CACNA1E: variants seen among roughly 807,000 people sequenced by gnomAD.
CACNA1E encodes the protein voltage-dependent R-type calcium channel subunit alpha-1E.
A neutral mutation model predicts 259.2 loss-of-function variants in CACNA1E; 40 were observed. The ratio of observed to expected loss-of-function variants is 0.15; its 90% CI spans 0.12 to 0.20. CACNA1E has a LOEUF of 0.20. CACNA1E is among the 10% of genes least tolerant of loss of function. The pLI is 1.00. For synonymous variants in CACNA1E, 1,104 were observed against 1,138.5 expected (o/e 0.97, Z 0.61); for missense variants, 1,874 against 3,040.1 (o/e 0.62, Z 9.02).
chr1:181,542,561 A>T (rs1304986285), intron 3 of CACNA1E, among the ~76,000 whole-genome samples: 1 of 151,940 alleles, frequency 6.6e-6, no homozygotes, highest in Non-Finnish European at 1.5e-5. Flanking sequence ...ACGAGATCTG[A>T]TGGTTTTATA....
rs747541258 is a variant in CACNA1E, at chr1:181,718,661, CACACA to C, written c.1638+495_1638+499del. Among the ~76,000 whole-genome samples, 274 of 145,620 alleles carry C rather than the reference CACACA, an allele frequency of 1.9e-3. 1 individual carries two copies. The highest frequency in any genetic ancestry group is 7.0e-3 in the Middle Eastern group (2 of 286). ...ACACACACACACACACACACACACA[CACACA>C]CCCTTATATTAGCAAGTCCTCACAG... On this transcript the variant is annotated intron_variant, in intron 12 of 47. Coordinates refer to ENST00000367573, the MANE Select transcript of CACNA1E (RefSeq NM_001205293.3).
At chr1:181,564,161 C>T (rs904309958) in intron 3 of CACNA1E, among the ~76,000 whole-genome samples, 2 of 152,030 alleles carry the variant, frequency 1.3e-5, no homozygotes, top group Non-Finnish European at 2.9e-5. Flanking sequence ...TTGCTGTATC[C>T]GTTGACTCTT....
rs376695821 is a variant in CACNA1E, at chr1:181,796,809, G to A, written c.6350G>A (p.Arg2117His). ...TQADWESPER[R>H]QSRSPSEGRS... is the part of the protein sequence containing the mutation. ...GCTGACTGGGAGTCCCCAGAGCGCC[G>A]TCAATCCAGGTCACCCAGTGAGGGC... The change falls in exon 47 of 48, where the codon CGT becomes CAT. Residue 2117 changes from arginine (R) to histidine (H), a missense_variant. Coordinates refer to ENST00000367573, the MANE Select transcript of CACNA1E (RefSeq NM_001205293.3). The A allele has an allele frequency of 1.3e-4, 213 of 1,609,172 alleles. 2 individuals are homozygous for A. Among genetic ancestry groups the A allele is most frequent in the South Asian group, 1.1e-3 (100 of 89,856 alleles).
intron 2 of CACNA1E, among the ~76,000 whole-genome samples, chr1:181,426,569 C>T (rs1349226840): frequency 6.6e-6 from 1 of 150,464 alleles, no homozygotes; most frequent in Non-Finnish European, 1.5e-5. Flanking sequence ...ATCTCAACCA[C>T]TTCACAACTT....
At chr1:181,754,843 G>A (rs1370950692) in intron 27 of CACNA1E, among the ~76,000 whole-genome samples, 1 of 152,178 alleles carries the variant, frequency 6.6e-6, no homozygotes, top group Admixed American at 6.5e-5. Flanking sequence ...ACCAAATAAA[G>A]CACAAGCTAT....
At chr1:181,644,375 G>A (rs1354616811) in intron 6 of CACNA1E, among the ~76,000 whole-genome samples, 1 of 152,208 alleles carries the variant, frequency 6.6e-6, no homozygotes, top group Non-Finnish European at 1.5e-5. Context: ...GGAATGATGA[G>A]TTGGATGACT....
intron 7 of CACNA1E, among the ~76,000 whole-genome samples, chr1:181,694,969 G>A (rs962089050): frequency 1.3e-5 from 2 of 152,140 alleles, no homozygotes; most frequent in African/African-American, 4.8e-5. Flanking sequence ...TATGTATTTT[G>A]AAAATCTAAC....
rs1490222366 is a variant in CACNA1E at position 181,798,649 on chromosome 1, G to A, written c.6757G>A (p.Glu2253Lys). Reference protein sequence around the residue: ...DCGEEETLTFEAAVATSLGRS... With the variant: ...DCGEEETLTFKAAVATSLGRS... ...TGGTGAGGAGGAGACGCTCACTTTC[G>A]AAGCAGCCGTGGCTACTAGCCTGGG... The change falls in exon 48 of 48, where the codon GAA becomes AAA. Residue 2253 changes from glutamate to lysine, a missense_variant. Glu to Lys is a moderately conservative substitution (Grantham distance 56, BLOSUM62 1). Around this residue, in one of 14 missense-constraint regions of CACNA1E, gnomAD observed 542 missense variants for 587.2 expected, o/e 0.92. Coordinates refer to ENST00000367573, the MANE Select transcript of CACNA1E (RefSeq NM_001205293.3). This position sits in a 1 kb window ranked among gnomAD's most constrained non-coding sequence, Gnocchi z 4.2. 1 of 1,610,262 alleles carries A rather than the reference G, an allele frequency of 6.2e-7. No homozygotes were observed. The highest frequency in any genetic ancestry group is 8.5e-7 in the Non-Finnish European group (1 of 1,177,514).
chr1:181,319,231 T>G (rs919139726), intron 1 of CACNA1E, among the ~76,000 whole-genome samples: 6 of 152,202 alleles, frequency 3.9e-5, no homozygotes, highest in African/African-American at 1.4e-4. Flanking sequence ...GAGGAAAGGC[T>G]GGGAGTCAGG....
At chr1:181,773,579 G>A (rs1005911896) in intron 37 of CACNA1E, among the ~76,000 whole-genome samples, 1 of 152,200 alleles carries the variant, frequency 6.6e-6, no homozygotes, top group Non-Finnish European at 1.5e-5. Flanking sequence ...ATTGATGGGA[G>A]TTTTCCATTT....
At chr1:181,765,136 G>A (rs1220190078) in intron 34 of CACNA1E, among the ~76,000 whole-genome samples, 2 of 152,126 alleles carry the variant, frequency 1.3e-5, no homozygotes, top group Admixed American at 6.5e-5. Flanking sequence ...AAAGAGCATC[G>A]CCATTGCCTA....
intron 1 of CACNA1E, among the ~76,000 whole-genome samples, chr1:181,372,826 A>ATTT (rs200346297): frequency 2.2e-4 from 17 of 77,604 alleles, no homozygotes; most frequent in African/African-American, 7.2e-4. Flanking sequence ...ATATATATAT[A>ATTT]TATTTTTTTT....
intron 3 of CACNA1E, among the ~76,000 whole-genome samples, chr1:181,517,144 C>A (rs1666646704): frequency 6.6e-6 from 1 of 152,162 alleles, no homozygotes; most frequent in African/African-American, 2.4e-5. Flanking sequence ...CCCTGGGGCA[C>A]TGGGGAAAGC....
In CACNA1E at chr1:181,763,549, A is replaced by G; in HGVS notation, c.4815+18A>G. The G allele has an allele frequency of 1.3e-6, 2 of 1,542,920 alleles. No individual in the cohort carries two copies. The highest frequency in any genetic ancestry group is 1.8e-6 in the Non-Finnish European group (2 of 1,131,460). ...CCTTTAAGGTAAGAGGTACCAGCAAATCCTCTCTGAGGGTTGTCATATCAG... is the reference window on the plus strand; with the variant it reads ...CCTTTAAGGTAAGAGGTACCAGCAAGTCCTCTCTGAGGGTTGTCATATCAG... On this transcript the variant is annotated intron_variant, in intron 34 of 47. Coordinates refer to ENST00000367573, the MANE Select transcript of CACNA1E (RefSeq NM_001205293.3).
intron 2 of CACNA1E, among the ~76,000 whole-genome samples, chr1:181,424,630 C>T (rs2102209836): frequency 6.6e-6 from 1 of 152,380 alleles, no homozygotes; most frequent in East Asian, 1.9e-4. Context: ...TGCATAACCT[C>T]TCTGCCACTC....
chr1:181,780,613 C>T (rs1412488595), intron 38 of CACNA1E, among the ~76,000 whole-genome samples: 2 of 152,210 alleles, frequency 1.3e-5, no homozygotes, highest in African/African-American at 4.8e-5. Flanking sequence ...TGCTGAGACT[C>T]TTTAAACTCC....
At chr1:181,684,113 G>A (rs190876400) in intron 7 of CACNA1E, among the ~76,000 whole-genome samples, 45 of 152,186 alleles carry the variant, frequency 3.0e-4, no homozygotes, top group Admixed American at 2.0e-3. Context: ...GTGTATACGC[G>A]TTCCCTTTTC....
chr1:181,397,240 C>T (rs780954435), intron 1 of CACNA1E, among the ~76,000 whole-genome samples: 1 of 152,198 alleles, frequency 6.6e-6, no homozygotes, highest in African/African-American at 2.4e-5. Context: ...TTATAGAATT[C>T]TCTTCTATTA....
chr1:181,733,679 C>A lies in CACNA1E; in HGVS notation c.3191C>A (p.Thr1064Asn). Residue 1064 changes from threonine to asparagine, a missense_variant, in exon 21 of 48, where the codon ACC becomes AAC. Around this residue, in one of 14 missense-constraint regions of CACNA1E, gnomAD observed 476 missense variants for 514.0 expected, o/e 0.93. Transcript: ENST00000367573. ...SCITANTDKA[T>N]TESTSVTVAI... ...ATCACGGCCAACACGGACAAGGCCA[C>A]CACCGAGAGCACCAGCGTCACCGTC... 1 of 1,606,486 alleles carries A rather than the reference C, an allele frequency of 6.2e-7. No homozygotes were observed. Among genetic ancestry groups the A allele is most frequent in the Non-Finnish European group, 8.5e-7 (1 of 1,176,662 alleles).
Sources: allele counts gnomAD v4.1 joint callset (sites outside exome capture counted in the v4.1 genomes callset), GRCh38; gene constraint gnomAD v4.1.1; regional missense constraint gnomAD v4.1.1; non-coding constraint Gnocchi (gnomAD v3.1); transcripts MANE v1.5; gene names NCBI Gene and HGNC (gene_info 2026-07-23, HGNC 2026-07-21).